The following MACROD2 variants were observed in gnomAD, a reference collection of about 807,000 sequenced individuals.
MACROD2 encodes the protein ADP-ribose glycohydrolase MACROD2.
In MACROD2, 36 loss-of-function variants were observed where a neutral mutation model predicts 70.4. That is an observed-to-expected ratio of 0.51 (90% CI 0.39 to 0.68). The LOEUF (loss-of-function observed/expected upper bound fraction) is 0.68, where lower values mean the gene tolerates loss of function less well. Ranked by LOEUF, MACROD2 falls within the 30% of genes least tolerant of loss-of-function variation. The pLI, the probability that MACROD2 is intolerant of heterozygous loss-of-function variation, is 0.00. For synonymous variants in MACROD2, 172 were observed against 178.8 expected (o/e 0.96, Z 0.30); for missense variants, 496 against 538.4 (o/e 0.92, Z 0.78).
At chr20:14,731,469 A>C (rs1429484154) in intron 5 of MACROD2, among the ~76,000 whole-genome samples, 2 of 152,188 alleles carry the variant, frequency 1.3e-5, no homozygotes, top group Non-Finnish European at 2.9e-5. Flanking sequence ...ATGAACTCAG[A>C]GAACTATAAC....
At chr20:14,986,866 A>G (rs1454942226) in intron 5 of MACROD2, among the ~76,000 whole-genome samples, 1 of 152,304 alleles carries the variant, frequency 6.6e-6, no homozygotes, top group East Asian at 1.9e-4. Flanking sequence ...AGGCAAAAAA[A>G]GTATGACTGC....
chr20:15,977,221 A>G (rs1026593325), intron 13 of MACROD2, among the ~76,000 whole-genome samples: 1 of 152,236 alleles, frequency 6.6e-6, no homozygotes, highest in African/African-American at 2.4e-5. Context: ...CTATAGCAAC[A>G]GTGATAGAGA....
intron 4 of MACROD2, among the ~76,000 whole-genome samples, chr20:14,508,413 C>G (rs1050257400): frequency 2.6e-5 from 4 of 152,146 alleles, no homozygotes; most frequent in Non-Finnish European, 4.4e-5. Flanking sequence ...AGAGCAGAGA[C>G]CTCAGTGACC....
chr20:14,703,633 G>T (rs1271465829), intron 5 of MACROD2, among the ~76,000 whole-genome samples: 1 of 152,146 alleles, frequency 6.6e-6, no homozygotes, highest in Non-Finnish European at 1.5e-5. Context: ...AGGAGTTCAA[G>T]ACCAGCCTGG....
chr20:15,647,390 T>A (rs2049564329), intron 8 of MACROD2, among the ~76,000 whole-genome samples: 1 of 150,926 alleles, frequency 6.6e-6, no homozygotes, highest in Admixed American at 6.6e-5. Context: ...TATTACGGCA[T>A]AAACATGAGA....
intron 3 of MACROD2, among the ~76,000 whole-genome samples, chr20:14,172,831 C>T (rs1217312947): frequency 6.6e-6 from 1 of 151,986 alleles, no homozygotes; most frequent in African/African-American, 2.4e-5. Flanking sequence ...TTTAGCAGTG[C>T]TGGTTTGGTA....
At chr20:14,655,711 T>C (rs557790079) in intron 4 of MACROD2, among the ~76,000 whole-genome samples, 31 of 152,246 alleles carry the variant, frequency 2.0e-4, no homozygotes, top group Non-Finnish European at 3.7e-4. Context: ...TGTATGTAAA[T>C]GTAGCTATAT....
intron 3 of MACROD2, among the ~76,000 whole-genome samples, chr20:14,425,069 G>A (rs2083918527): frequency 6.6e-6 from 1 of 152,090 alleles, no homozygotes; most frequent in Admixed American, 6.5e-5. Context: ...GACATACTCA[G>A]CCTAAATTTA....
intron 3 of MACROD2, among the ~76,000 whole-genome samples, chr20:14,247,859 C>T (rs2081979829): frequency 6.6e-6 from 1 of 152,150 alleles, no homozygotes; most frequent in Non-Finnish European, 1.5e-5. Context: ...AGCAGAATTC[C>T]TCCTCATCCC....
chr20:16,013,174 G>A (rs537220553), intron 15 of MACROD2, among the ~76,000 whole-genome samples: 1 of 46,466 alleles, frequency 2.2e-5, no homozygotes, highest in East Asian at 4.9e-4. Flanking sequence ...GCAAGACTCT[G>A]TCTAAAAAAA....
At chr20:15,722,325 G>C (rs894998557) in intron 8 of MACROD2, among the ~76,000 whole-genome samples, 125 of 152,184 alleles carry the variant, frequency 8.2e-4, no homozygotes, top group African/African-American at 2.8e-3. Context: ...TCCCAAGGAG[G>C]TTGTACCAAA....
intron 3 of MACROD2, among the ~76,000 whole-genome samples, chr20:14,298,379 C>A (rs1359638970): frequency 6.6e-6 from 1 of 151,588 alleles, no homozygotes; most frequent in Non-Finnish European, 1.5e-5. Flanking sequence ...ACCAGCCTGG[C>A]CAACATGGTG....
At chr20:14,614,437 A>G (rs1669131774) in intron 4 of MACROD2, among the ~76,000 whole-genome samples, 1 of 152,084 alleles carries the variant, frequency 6.6e-6, no homozygotes, top group Non-Finnish European at 1.5e-5. Context: ...TACTGGGAGC[A>G]ATTGAAATTG....
At chr20:15,329,124 A>G (rs1222209024) in intron 6 of MACROD2, among the ~76,000 whole-genome samples, 1 of 152,186 alleles carries the variant, frequency 6.6e-6, no homozygotes, top group Non-Finnish European at 1.5e-5. Flanking sequence ...AGCAGAGTCT[A>G]TTCGATTGTG....
intron 3 of MACROD2, among the ~76,000 whole-genome samples, chr20:14,125,534 G>A (rs1221324909): frequency 6.6e-6 from 1 of 151,988 alleles, no homozygotes; most frequent in East Asian, 1.9e-4. Context: ...CACCATAATT[G>A]TACCACTCAG....
At chr20:14,749,223 G>T (rs6110421) in intron 5 of MACROD2, among the ~76,000 whole-genome samples, 8 of 151,840 alleles carry the variant, frequency 5.3e-5, no homozygotes, top group African/African-American at 1.9e-4. Context: ...CAGCTCGTAC[G>T]TCATATGCTA....
chr20:14,226,177 A>G (rs531925551), intron 3 of MACROD2, among the ~76,000 whole-genome samples: 18 of 152,304 alleles, frequency 1.2e-4, no homozygotes, highest in African/African-American at 4.1e-4. Flanking sequence ...CAATAGCAGG[A>G]ATGGTGCCCC....
chr20:15,843,088 C>T (rs1271172044), intron 8 of MACROD2, among the ~76,000 whole-genome samples: 1 of 152,188 alleles, frequency 6.6e-6, no homozygotes. Context: ...CTGTACCACA[C>T]TCACCTCCAC....
intron 5 of MACROD2, among the ~76,000 whole-genome samples, chr20:15,183,739 G>A (rs915124082): frequency 5.3e-5 from 8 of 152,142 alleles, no homozygotes; most frequent in African/African-American, 1.9e-4. Context: ...CAGAATGATA[G>A]GCTTGTGGTG....
Sources: gnomAD v4.1 joint callset for allele counts (sites outside exome capture counted in the v4.1 genomes callset) on GRCh38, gnomAD v4.1.1 for gene constraint, MANE v1.5 for transcripts, NCBI Gene and HGNC (gene_info 2026-07-23, HGNC 2026-07-21) for gene names.